Variants in CCDC148 observed in about 807,000 individuals in gnomAD.
The protein encoded by CCDC148 is coiled-coil domain containing 148.
CCDC148 carries 89 observed loss-of-function variants against 85.7 expected under a neutral mutation model. The ratio of observed to expected loss-of-function variants is 1.04; its 90% CI spans 0.87 to 1.24. CCDC148 has a LOEUF of 1.24. Among genes scored for constraint, CCDC148 ranks in the 50% most tolerant of loss-of-function variants. The pLI is 0.00. For missense variants in CCDC148, 692 were observed against 671.7 expected, an observed-to-expected ratio of 1.03 and a Z score of -0.33; for synonymous variants, 230 against 213.9, an observed-to-expected ratio of 1.08 and a Z score of -0.66.
At position 158,349,037 on chromosome 2, in the gene CCDC148, G is replaced by A. The variant is rs150962767; in HGVS notation, c.148-3719C>T. On this transcript the variant is annotated intron_variant, in intron 2 of 13. Coordinates refer to ENST00000283233, the MANE Select transcript of CCDC148 (RefSeq NM_138803.4). ...CCTTTGAAAGACTAGATCACTGACT[G>A]TCCACTTCAGTCTTATATAGCTGGC... 9.6e-3 allele frequency among the ~76,000 whole-genome samples: 1,461 copies of A among 152,044 alleles called. 19 individuals carry two copies. The highest frequency in any genetic ancestry group is 0.033 in the African/African-American group (1,354 of 41,508).
intron 11 of CCDC148, among the ~76,000 whole-genome samples, chr2:158,209,905 A>ATTTTGTAT (rs146547501): frequency 1.3e-5 from 2 of 152,152 alleles, no homozygotes; most frequent in African/African-American, 4.8e-5. Context: ...TGTATCAACT[A>ATTTTGTAT]ATGGGCAAAA....
intron 9 of CCDC148, among the ~76,000 whole-genome samples, chr2:158,286,647 C>T (rs1690638208): frequency 6.6e-6 from 1 of 152,058 alleles, no homozygotes; most frequent in Non-Finnish European, 1.5e-5. Context: ...TGCCCATGGA[C>T]ATAGACAAAT....
At chr2:158,324,382 A>T (rs73968919) in intron 7 of CCDC148, among the ~76,000 whole-genome samples, 17,987 of 152,148 alleles carry the variant, frequency 0.12, 1,639 homozygotes, top group African/African-American at 0.26. Flanking sequence ...TATTCAAACC[A>T]TTTGTGTCAT....
At chr2:158,313,724 C>G in intron 8 of CCDC148, 32 bp downstream of exon 8, 6 of 1,573,344 alleles carry the variant, frequency 3.8e-6, no homozygotes, top group Non-Finnish European at 5.2e-6. Flanking sequence ...AACAATTTAA[C>G]TTGCCAGTAT....
chr2:158,317,907 C>T (rs993434400), intron 7 of CCDC148, among the ~76,000 whole-genome samples: 2 of 152,214 alleles, frequency 1.3e-5, no homozygotes, highest in African/African-American at 4.8e-5. Context: ...AAAAACTCAT[C>T]TCTTAAAGCA....
intron 11 of CCDC148, among the ~76,000 whole-genome samples, chr2:158,206,228 G>A (rs1223059588): frequency 6.6e-6 from 1 of 152,164 alleles, no homozygotes; most frequent in African/African-American, 2.4e-5. Flanking sequence ...TGAGCTGGGT[G>A]TCACTTGAGC....
At chr2:158,312,487 C>T (rs1574602694) in intron 8 of CCDC148, among the ~76,000 whole-genome samples, 1 of 144,586 alleles carries the variant, frequency 6.9e-6, no homozygotes, top group Non-Finnish European at 1.5e-5. Context: ...GAGGCTGAGG[C>T]AGGAGAATCG....
In CCDC148 at chr2:158,437,341, G is replaced by C. The variant is rs535499752; in HGVS notation, c.25+19074C>G. 1.7e-4 allele frequency among the ~76,000 whole-genome samples: 26 copies of C among 152,292 alleles called. No homozygotes were observed. In the South Asian group the frequency reaches 5.2e-3, roughly 30 times the overall value. On this transcript the variant is annotated intron_variant, in intron 1 of 13. Transcript: ENST00000283233. ...GTTCAACATACGCAAATCAATAAAT[G>C]TAATACCTCACATAAACAGAACCAA...
chr2:158,295,084 T>C (rs528103763), intron 9 of CCDC148, among the ~76,000 whole-genome samples: 8 of 152,306 alleles, frequency 5.3e-5, no homozygotes, highest in Admixed American at 2.6e-4. Context: ...ATTTCTGCTC[T>C]TTTAAAAAAT....
intron 7 of CCDC148, among the ~76,000 whole-genome samples, chr2:158,320,963 T>C (rs1692493374): frequency 6.6e-6 from 1 of 152,184 alleles, no homozygotes; most frequent in Admixed American, 6.5e-5. Context: ...AATACCTAGA[T>C]ATACTTTTCA....
At chr2:158,418,710 T>A (rs1686625211) in intron 1 of CCDC148, among the ~76,000 whole-genome samples, 1 of 105,250 alleles carries the variant, frequency 9.5e-6, no homozygotes, top group Non-Finnish European at 2.3e-5. Context: ...CAATTATCAC[T>A]ATTTTTTTTT....
In CCDC148 at chr2:158,220,597, TTC is replaced by T. The variant is rs1687123754; in HGVS notation, c.1366_1367del (p.Glu456LysfsTer3). ...LIAEQSLKDR[E>X]RVKYRQELLE... The stretch of plus-strand genomic sequence containing the variant: ...CACAATTTTAAATTTTCTTTTACCT[TTC>T]TCTGTCTTTTAGTGACTGTTCAGCG... On this transcript the variant is annotated frameshift_variant, in exon 11 of 14. Transcript: ENST00000283233. LOFTEE classifies it high-confidence loss of function. 5 of 1,600,384 alleles carry T rather than the reference TTC, an allele frequency of 3.1e-6. No homozygotes were observed. The highest frequency in any genetic ancestry group is 1.1e-5 in the South Asian group (1 of 88,886).
At chr2:158,350,074 A>G (rs13432819) in intron 2 of CCDC148, among the ~76,000 whole-genome samples, 25,807 of 152,112 alleles carry the variant, frequency 0.17, 3,492 homozygotes, top group African/African-American at 0.38. Context: ...CAAAAAGGTT[A>G]CTGATGTTAT....
intron 11 of CCDC148, among the ~76,000 whole-genome samples, chr2:158,201,560 C>T (rs1685964936): frequency 6.6e-6 from 1 of 151,996 alleles, no homozygotes; most frequent in South Asian, 2.1e-4. Context: ...CAGCTATACG[C>T]CACCAACTCT....
chr2:158,436,316 A>G (rs1036494424), intron 1 of CCDC148, among the ~76,000 whole-genome samples: 8 of 152,238 alleles, frequency 5.3e-5, no homozygotes, highest in African/African-American at 1.9e-4. Flanking sequence ...ACTTAGGATT[A>G]AGAAACTCAC....
chr2:158,366,398 A>G (rs767823084), intron 1 of CCDC148, among the ~76,000 whole-genome samples: 1 of 152,080 alleles, frequency 6.6e-6, no homozygotes, highest in Non-Finnish European at 1.5e-5. Flanking sequence ...GAAAGAAATT[A>G]CCTAAATTGA....
chr2:158,327,569 T>C (rs982555917), intron 7 of CCDC148, among the ~76,000 whole-genome samples: 2 of 152,142 alleles, frequency 1.3e-5, no homozygotes, highest in African/African-American at 4.8e-5. Context: ...CCAAATCACA[T>C]CCATTGACTG....
chr2:158,267,453 T>C (rs191302312), intron 9 of CCDC148, among the ~76,000 whole-genome samples: 65 of 152,332 alleles, frequency 4.3e-4, no homozygotes, highest in African/African-American at 1.4e-3. Flanking sequence ...TCACACTGAA[T>C]TGAAAATTTT....
chr2:158,249,908 AT>A (rs35139528), intron 10 of CCDC148, among the ~76,000 whole-genome samples: 1 of 152,076 alleles, frequency 6.6e-6, no homozygotes, highest in Admixed American at 6.6e-5. Flanking sequence ...CAAAGAAAAG[AT>A]TTTTTTTACA....
Sources: gnomAD v4.1 joint callset for allele counts (sites outside exome capture counted in the v4.1 genomes callset) on GRCh38, gnomAD v4.1.1 for gene constraint, MANE v1.5 for transcripts, NCBI Gene and HGNC (gene_info 2026-07-23, HGNC 2026-07-21) for gene names.